The following PTGR1 variants were observed in gnomAD, a reference collection of about 807,000 sequenced individuals.
PTGR1 encodes the protein 15-oxoprostaglandin 13-reductase.
A neutral mutation model predicts 37.7 loss-of-function variants in PTGR1; 23 were observed. That is an observed-to-expected ratio of 0.61 (90% CI 0.44 to 0.86). The LOEUF (loss-of-function observed/expected upper bound fraction) is 0.86, where lower values mean the gene tolerates loss of function less well. Among genes scored for constraint, PTGR1 ranks in the 40% least tolerant of loss-of-function variants. The probability of loss-of-function intolerance (pLI) is 0.00; values close to 1 mark genes in which losing one functional copy is unlikely to be tolerated. For synonymous variants in PTGR1, 134 were observed against 140.0 expected (o/e 0.96, Z 0.30); for missense variants, 351 against 394.3 (o/e 0.89, Z 0.93).
At chr9:111,572,583 C>T (rs1370895417) in intron 8 of PTGR1, among the ~76,000 whole-genome samples, 3 of 151,718 alleles carry the variant, frequency 2.0e-5, no homozygotes, top group Non-Finnish European at 2.9e-5. Flanking sequence ...GAGTGAGACT[C>T]TGTCTCAAAA....
intron 6 of PTGR1, among the ~76,000 whole-genome samples, chr9:111,582,382 A>G (rs1829308630): frequency 6.6e-6 from 1 of 152,248 alleles, no homozygotes; most frequent in Non-Finnish European, 1.5e-5. Flanking sequence ...AATATTTAGA[A>G]ATAATCCTAA....
chr9:111,559,616 AACAT>A (rs1828217592), downstream of PTGR1, among the ~76,000 whole-genome samples: 1 of 150,478 alleles, frequency 6.6e-6, no homozygotes, highest in Non-Finnish European at 1.5e-5. Context: ...ACACATATAC[AACAT>A]ACATATATAA....
intron 9 of PTGR1, among the ~76,000 whole-genome samples, chr9:111,569,327 A>C (rs1828708057): frequency 6.6e-6 from 1 of 152,204 alleles, no homozygotes; most frequent in Admixed American, 6.5e-5. Flanking sequence ...GAGTCTGAGG[A>C]GGACCAATCA....
intron 6 of PTGR1, 117 bp from the exon 7 acceptor site, chr9:111,579,068 C>T (rs1564617587): frequency 8.1e-6 from 8 of 989,832 alleles, no homozygotes; most frequent in Non-Finnish European, 1.1e-5. Flanking sequence ...GGTGCTGAGC[C>T]ACATATAAAA....
downstream of PTGR1, among the ~76,000 whole-genome samples, chr9:111,558,040 A>G (rs1828174350): frequency 6.6e-6 from 1 of 152,082 alleles, no homozygotes; most frequent in Non-Finnish European, 1.5e-5. Context: ...CCAGCTACTC[A>G]GGAGGCTGAG....
At chr9:111,558,436 G>A (rs559319003), downstream of PTGR1, among the ~76,000 whole-genome samples, 30 of 152,080 alleles carry the variant, frequency 2.0e-4, no homozygotes, top group Non-Finnish European at 3.8e-4. Context: ...TCAGCTAGTT[G>A]GGAGGTTGAG....
chr9:111,566,074 G>A (rs1278362615), intron 9 of PTGR1, among the ~76,000 whole-genome samples: 1 of 151,962 alleles, frequency 6.6e-6, no homozygotes, highest in Admixed American at 6.6e-5. Context: ...ATGGTGGCGG[G>A]CACCTGTAAT....
Position 111,562,918 on chromosome 9 carries a change from G to A in PTGR1, c.*203C>T. 3 of 1,360,696 alleles carry A rather than the reference G, an allele frequency of 2.2e-6. No individual in the cohort carries two copies. The highest frequency in any genetic ancestry group is 2.9e-6 in the Non-Finnish European group (3 of 1,051,284). 84.3% of individuals were successfully genotyped at this position (1,360,696 alleles called of 1,614,324 possible). A position where few individuals can be genotyped will look rare whatever the true frequency, so the allele number is the denominator to read the frequency against. ...CTCAGAAGAAGCTGTAGTGAACAGT[G>A]AGGTGACTGGTTGTTGTTGACTTTG... is the stretch of plus-strand genomic sequence containing the variant. On this transcript the variant is annotated 3_prime_UTR_variant, in exon 10 of 10. Transcript: ENST00000407693.
At chr9:111,582,737 T>C (rs1829320330) in intron 6 of PTGR1, among the ~76,000 whole-genome samples, 1 of 152,220 alleles carries the variant, frequency 6.6e-6, no homozygotes, top group South Asian at 2.1e-4. Flanking sequence ...TATTCCAAGC[T>C]TCTATTAGCA....
At chr9:111,550,120 A>G (rs990472628) in intron 9 of PTGR1, among the ~76,000 whole-genome samples, 9 of 152,220 alleles carry the variant, frequency 5.9e-5, no homozygotes, top group African/African-American at 2.2e-4. Flanking sequence ...TCTCTGTGCT[A>G]GGGATCAGCC....
chr9:111,580,473 G>A (rs2132400229), intron 6 of PTGR1, among the ~76,000 whole-genome samples: 1 of 152,172 alleles, frequency 6.6e-6, no homozygotes, highest in East Asian at 1.9e-4. Context: ...ATCCGACTCT[G>A]GGCCAGGCGC....
chr9:111,558,854 TC>T (rs760588071), downstream of PTGR1, among the ~76,000 whole-genome samples: 83 of 152,272 alleles, frequency 5.5e-4, no homozygotes, highest in Admixed American at 1.4e-3. Context: ...TGTTTGTAAC[TC>T]CCTTCTCTGA....
chr9:111,592,920 A>G lies in PTGR1; in HGVS notation c.209+6T>C. 1.3e-6 allele frequency: 2 copies of G among 1,597,842 alleles called. No homozygotes were observed. The highest frequency in any genetic ancestry group is 1.7e-6 in the Non-Finnish European group (2 of 1,172,806). On this transcript the variant is annotated splice_donor_region_variant and intron_variant, in intron 4 of 9. Transcript: ENST00000407693. ...TCCAAGCACTGGGACAAATGGAAAT[A>G]ATTACTTGGCCACTTGCTGCCCCAT... is the stretch of plus-strand genomic sequence containing the variant.
chr9:111,583,653 T>C (rs1315312024), intron 5 of PTGR1, 64 bp from the exon 6 acceptor site: 3 of 1,355,738 alleles, frequency 2.2e-6, no homozygotes, highest in Non-Finnish European at 3.2e-6. Flanking sequence ...CTCATTTATA[T>C]ATATCTTGAA....
intron 7 of PTGR1, chr9:111,576,702 A>G (rs2132383495): frequency 3.3e-6 from 1 of 301,754 alleles, no homozygotes; most frequent in Non-Finnish European, 6.1e-6. Context: ...CCTAGAAGCA[A>G]TGGTTTTCAG....
In PTGR1 at chr9:111,570,108, G is replaced by C. The variant is rs1276705001; in HGVS notation, c.862C>G (p.Leu288Val). 1 of 1,614,130 alleles carries C rather than the reference G, an allele frequency of 6.2e-7. No individual in the cohort carries two copies. The highest frequency in any genetic ancestry group is 8.5e-7 in the Non-Finnish European group (1 of 1,180,022). Residue 288 changes from leucine to valine, a missense_variant, in exon 9 of 10, where the codon CTG becomes GTG. Leu to Val is a conservative substitution (Grantham distance 32). Coordinates refer to ENST00000407693, the MANE Select transcript of PTGR1 (RefSeq NM_001146108.2). ...DARQKALKDL[L>V]KWVLEGKIQY... is the part of the protein sequence containing the mutation. The stretch of plus-strand genomic sequence containing the variant: ...CTCCTTACCTCTAAGACCCATTTCA[G>C]CAAGTCCTTCAGAGCTTTTTGGCGG...
At position 111,563,176 on chromosome 9, in the gene PTGR1, G is replaced by A; in HGVS notation, c.935C>T (p.Ala312Val). The change falls in exon 10 of 10, where the codon GCA becomes GTA. Residue 312 changes from alanine (A) to valine (V), a missense_variant. Transcript: ENST00000407693. ...ATCTCCTTTCAGCATTCCCATAAAT[G>A]CAGCTGGCATGTTTTCAAATCCTTC... ...IIEGFENMPA[A>V]FMGMLKGDNL... is the part of the protein sequence containing the mutation. The A allele has an allele frequency of 6.2e-7, 1 of 1,613,808 alleles. No homozygotes were observed. Among genetic ancestry groups the A allele is most frequent in the Non-Finnish European group, 8.5e-7 (1 of 1,179,884 alleles).
chr9:111,585,914 C>T, intron 5 of PTGR1, 84 bp downstream of exon 5: 4 of 1,504,104 alleles, frequency 2.7e-6, no homozygotes, highest in Middle Eastern at 1.8e-4. Flanking sequence ...AAATATCTTC[C>T]TGTTGACCAA....
At chr9:111,596,407 G>A (rs1829781302) in intron 2 of PTGR1, among the ~76,000 whole-genome samples, 1 of 151,828 alleles carries the variant, frequency 6.6e-6, no homozygotes, top group Non-Finnish European at 1.5e-5. Context: ...CTAAGGTCAG[G>A]AGTTCAAGAC....
Sources: allele counts gnomAD v4.1 joint callset (sites outside exome capture counted in the v4.1 genomes callset), GRCh38; gene constraint gnomAD v4.1.1; transcripts MANE v1.5; gene names NCBI Gene and HGNC (gene_info 2026-07-23, HGNC 2026-07-21).